Variants in MINK1 observed in about 807,000 individuals in gnomAD.
MINK1 encodes misshapen like kinase 1.
Under a neutral mutation model 178.4 loss-of-function variants are expected in MINK1, and 46 were observed. The ratio of observed to expected loss-of-function variants is 0.26; its 90% confidence interval spans 0.20 to 0.33. The LOEUF (loss-of-function observed/expected upper bound fraction) is 0.33. Among genes scored for constraint, MINK1 ranks in the 10% least tolerant of loss-of-function variants. The pLI is 1.00. For missense variants in MINK1, 1,366 were observed against 1,814.9 expected (o/e 0.75, Z 4.49); for synonymous variants, 797 against 709.7 (o/e 1.12, Z -1.96).
Position 4,897,288 on chromosome 17 carries a change from C to T in MINK1, c.*1C>T, listed in dbSNP as rs144736076. The T allele has an allele frequency of 8.2e-5, 133 of 1,613,514 alleles. No individual in the cohort carries two copies. The highest frequency in any genetic ancestry group is 4.5e-4 in the East Asian group (20 of 44,872). On this transcript the variant is annotated 3_prime_UTR_variant, in exon 32 of 32. Coordinates refer to ENST00000355280, the MANE Select transcript of MINK1 (RefSeq NM_153827.5). ...CCGTAACTGCATCATGAACTGGTGACGGGGCCCTGGGCTGGGGCTGTCCCA... is the reference window on the plus strand; with the variant it reads ...CCGTAACTGCATCATGAACTGGTGATGGGGCCCTGGGCTGGGGCTGTCCCA...
intron 1 of MINK1, among the ~76,000 whole-genome samples, chr17:4,867,359 T>C (rs1042461849): frequency 2.2e-4 from 33 of 150,814 alleles, no homozygotes; most frequent in African/African-American, 7.5e-4. Context: ...GTTAAAAAAA[T>C]AGGTACACGG....
intron 1 of MINK1, chr17:4,868,713 T>C (rs1915408952): frequency 5.6e-6 from 1 of 179,252 alleles, no homozygotes; most frequent in Non-Finnish European, 1.2e-5. Flanking sequence ...AATATAGGAG[T>C]GTAGATGTCT....
chr17:4,863,644 ATTG>A (rs1914517147), intron 1 of MINK1, among the ~76,000 whole-genome samples: 1 of 152,284 alleles, frequency 6.6e-6, no homozygotes, highest in African/African-American at 2.4e-5. Context: ...CAAGTGTTTA[ATTG>A]TTGTAAACTT....
intron 16 of MINK1, 90 bp downstream of exon 16, chr17:4,891,806 A>T: frequency 1.4e-6 from 2 of 1,459,428 alleles, no homozygotes; most frequent in African/African-American, 2.8e-5. Context: ...ATGGAGGAAG[A>T]GTGCAGGGCG....
At chr17:4,876,577 G>A (rs1045660969) in intron 1 of MINK1, among the ~76,000 whole-genome samples, 2 of 151,968 alleles carry the variant, frequency 1.3e-5, no homozygotes, top group South Asian at 4.1e-4. Flanking sequence ...GGGCTTTTTT[G>A]GTCGTGGGAT....
chr17:4,870,213 A>ATTT (rs758815938), intron 1 of MINK1, among the ~76,000 whole-genome samples: 1 of 123,606 alleles, frequency 8.1e-6, no homozygotes. Flanking sequence ...CGCCCGGCCA[A>ATTT]TTTTTTTTTT....
At chr17:4,891,412 T>G in intron 15 of MINK1, 44 bp from the exon 16 acceptor site, 2 of 1,515,008 alleles carry the variant, frequency 1.3e-6, no homozygotes, top group Non-Finnish European at 1.8e-6. Context: ...GGTGGGGATG[T>G]GCCATGGAGC....
intron 1 of MINK1, among the ~76,000 whole-genome samples, chr17:4,863,048 C>CA (rs1158154585): frequency 1.3e-5 from 2 of 151,278 alleles, no homozygotes; most frequent in African/African-American, 4.9e-5. Context: ...AAACAAAAAC[C>CA]AAAAAAAATC....
chr17:4,840,103 A>G (rs1909988764), intron 1 of MINK1, among the ~76,000 whole-genome samples: 1 of 152,126 alleles, frequency 6.6e-6, no homozygotes, highest in Admixed American at 6.5e-5. Context: ...ATGGAAAAAA[A>G]ATTGCTTTTA....
chr17:4,859,947 G>C (rs753958959), intron 1 of MINK1, among the ~76,000 whole-genome samples: 10 of 151,952 alleles, frequency 6.6e-5, no homozygotes, highest in Admixed American at 1.3e-4. Context: ...TGCGGAGCCG[G>C]GTACAGAGGG....
At position 4,889,758 on chromosome 17, in the gene MINK1, G is replaced by C. The variant is rs575433431; in HGVS notation, c.1342G>C (p.Glu448Gln). Residue 448 changes from glutamate to glutamine, a missense_variant, in exon 13 of 32, where the codon GAG becomes CAG. Coordinates refer to ENST00000355280, the MANE Select transcript of MINK1 (RefSeq NM_153827.5). Reference protein sequence around the residue: ...REEERRQAEREQEYKRKQLEE... With the variant: ...REEERRQAERQQEYKRKQLEE... ...GGAGGAGCGGCGGCAGGCGGAGCGC[G>C]AGCAGGTAGAGCGCCGCACCCGCAT... 3 of 1,534,324 alleles carry C rather than the reference G, an allele frequency of 2.0e-6. No individual in the cohort carries two copies. In the African/African-American group the frequency reaches 4.1e-5, roughly 21 times the overall value.
At position 4,897,289 on chromosome 17, in the gene MINK1, G is replaced by T; in HGVS notation, c.*2G>T. The T allele has an allele frequency of 1.2e-6, 2 of 1,613,350 alleles. No individual in the cohort carries two copies. The highest frequency in any genetic ancestry group is 1.7e-6 in the Non-Finnish European group (2 of 1,179,520). On this transcript the variant is annotated 3_prime_UTR_variant, in exon 32 of 32. Coordinates refer to ENST00000355280, the MANE Select transcript of MINK1 (RefSeq NM_153827.5). ...CGTAACTGCATCATGAACTGGTGAC[G>T]GGGCCCTGGGCTGGGGCTGTCCCAC... is the stretch of plus-strand genomic sequence containing the variant.
intron 21 of MINK1, 84 bp from the exon 22 acceptor site, chr17:4,893,904 T>G: frequency 5.1e-6 from 6 of 1,174,154 alleles, no homozygotes; most frequent in Non-Finnish European, 7.1e-6. Flanking sequence ...GACAAAAGCC[T>G]GGGCTCTGGC....
In MINK1 at chr17:4,897,330, C is replaced by T. The variant is rs779916246; in HGVS notation, c.*43C>T. ...GCTGTCCCACACTGGACCCAGCTCTCCCCCTGCAGCCAGGCTTCCCGGGCC... is the reference window on the plus strand; with the variant it reads ...GCTGTCCCACACTGGACCCAGCTCTTCCCCTGCAGCCAGGCTTCCCGGGCC... On this transcript the variant is annotated 3_prime_UTR_variant, in exon 32 of 32. Coordinates refer to ENST00000355280, the MANE Select transcript of MINK1 (RefSeq NM_153827.5). The T allele has an allele frequency of 4.4e-6, 7 of 1,578,888 alleles. No individual in the cohort carries two copies. The African/African-American group carries it at 5.4e-5, about 12-fold the overall frequency.
intron 1 of MINK1, chr17:4,834,856 A>G: frequency 1.9e-6 from 1 of 520,068 alleles, no homozygotes; most frequent in South Asian, 1.4e-5. Flanking sequence ...AGTAGTGGGA[A>G]AAGGCGGTCA....
intron 21 of MINK1, 166 bp from the exon 22 acceptor site, chr17:4,893,822 C>T (rs1969129640): frequency 4.6e-6 from 4 of 865,380 alleles, no homozygotes; most frequent in Non-Finnish European, 6.9e-6. Context: ...CCCTGTGTGC[C>T]ATGCAGGGAA....
chr17:4,865,938 G>A (rs901515057), intron 1 of MINK1, among the ~76,000 whole-genome samples: 2 of 151,958 alleles, frequency 1.3e-5, no homozygotes, highest in Non-Finnish European at 2.9e-5. Context: ...GAGATGCAAC[G>A]AAAGAAAGAA....
chr17:4,842,610 C>CA (rs1366383677), intron 1 of MINK1, among the ~76,000 whole-genome samples: 4 of 152,208 alleles, frequency 2.6e-5, no homozygotes, highest in Admixed American at 2.6e-4. Context: ...ACCACCCACC[C>CA]ACTCTTTCTT....
Position 4,889,633 on chromosome 17 carries a change from G to A in MINK1, c.1231-14G>A. The A allele has an allele frequency of 6.4e-7, 1 of 1,568,990 alleles. No homozygotes were observed. Among genetic ancestry groups the A allele is most frequent in the Non-Finnish European group, 8.6e-7 (1 of 1,157,602 alleles). On this transcript the variant is annotated splice_polypyrimidine_tract_variant and intron_variant, in intron 12 of 31. Coordinates refer to ENST00000355280, the MANE Select transcript of MINK1 (RefSeq NM_153827.5). ...TCCGGTATGGTTCTTAAGACCACCTGGCTCTCCCCACAGCAACAGCGGCGG... is the reference window on the plus strand; with the variant it reads ...TCCGGTATGGTTCTTAAGACCACCTAGCTCTCCCCACAGCAACAGCGGCGG...
Sources: gnomAD v4.1 joint callset for allele counts (sites outside exome capture counted in the v4.1 genomes callset) on GRCh38, gnomAD v4.1.1 for gene constraint, MANE v1.5 for transcripts, NCBI Gene and HGNC (gene_info 2026-07-23, HGNC 2026-07-21) for gene names.